Variants in PTCHD1 observed in about 807,000 individuals in gnomAD.
PTCHD1 encodes patched domain-containing protein 1.
In PTCHD1, 3 loss-of-function variants were observed where a neutral mutation model predicts 34.6. The observed-to-expected ratio is 0.09, with a 90% CI of 0.04 to 0.22. The LOEUF (loss-of-function observed/expected upper bound fraction) is 0.22. PTCHD1 is among the 10% of genes least tolerant of loss of function. PTCHD1 has a pLI of 1.00. For missense variants in PTCHD1, 504 were observed against 685.5 expected (o/e 0.74, Z 2.96); for synonymous variants, 305 against 283.1 (o/e 1.08, Z -0.77).
chrX:23,397,596 T>A lies in PTCHD1; in HGVS notation c.*3411T>A, dbSNP rs913850441. 2 of 112,040 alleles carry A rather than the reference T, an allele frequency of 1.8e-5. No homozygotes were observed. Among genetic ancestry groups the A allele is most frequent in the African/African-American group, 3.3e-5 (1 of 30,736 alleles). 9.2% of individuals were successfully genotyped at this position (112,040 alleles called of 1,213,427 possible). On this transcript the variant is annotated 3_prime_UTR_variant, in exon 3 of 3. Coordinates refer to ENST00000379361, the MANE Select transcript of PTCHD1 (RefSeq NM_173495.3). ...TTCCTACCTTCTGCCTTTTACTCCC[T>A]CAGTTTTCAGTCAGAAGTGTGATAA... is the stretch of plus-strand genomic sequence containing the variant.
chrX:23,387,591 GTTTTC>G (rs1374870978), intron 2 of PTCHD1, among the ~76,000 whole-genome samples: 1 of 111,824 alleles, frequency 8.9e-6, no homozygotes, highest in Non-Finnish European at 1.9e-5. Context: ...AATAAAAGCA[GTTTTC>G]TTTTTAAAAT....
chrX:23,396,395 A>G lies in PTCHD1; in HGVS notation c.*2210A>G, dbSNP rs1484220222. On this transcript the variant is annotated 3_prime_UTR_variant, in exon 3 of 3. Coordinates refer to ENST00000379361, the MANE Select transcript of PTCHD1 (RefSeq NM_173495.3). ...TTCTCTCTCCAAGGGGCCCGCAACT[A>G]GGCTATTATTCATAAAACACAACTG... The G allele has an allele frequency of 8.9e-6, 1 of 112,213 alleles. No individual in the cohort carries two copies. Among genetic ancestry groups the G allele is most frequent in the African/African-American group, 3.2e-5 (1 of 30,880 alleles). The allele number at this position is 112,213 out of a possible 1,213,427, so 9.2% of individuals were successfully genotyped here. A position where few individuals can be genotyped will look rare whatever the true frequency, so the allele number is the denominator to read the frequency against.
intron 1 of PTCHD1, among the ~76,000 whole-genome samples, chrX:23,339,698 C>T (rs1921258794): frequency 8.9e-6 from 1 of 112,044 alleles, no homozygotes; most frequent in South Asian, 3.7e-4. Flanking sequence ...TGGGAATCAC[C>T]ATCATTTCTT....
In PTCHD1 at chrX:23,393,237, A is replaced by T. The variant is rs757702223; in HGVS notation, c.1719A>T (p.Glu573Asp). Reference sequence around the variant, plus strand: ...AATACTGGAACACTAGTGTCCAAGAAGATGTTCTAGAATACACCAAGGGGT... The same window carrying T: ...AATACTGGAACACTAGTGTCCAAGATGATGTTCTAGAATACACCAAGGGGT... ...SIEYWNTSVQ[E>D]DVLEYTKGFV... Residue 573 changes from glutamate to aspartate, a missense_variant, in exon 3 of 3, where the codon GAA becomes GAT. Physicochemically the swap from Glu to Asp is conservative, Grantham distance 45. Transcript: ENST00000379361. 2 of 1,208,654 alleles carry T rather than the reference A, an allele frequency of 1.7e-6. No individual in the cohort carries two copies. Among genetic ancestry groups the T allele is most frequent in the East Asian group, 3.0e-5 (1 of 33,841 alleles).
intron 1 of PTCHD1, among the ~76,000 whole-genome samples, chrX:23,344,658 C>T (rs1321359941): frequency 4.5e-5 from 5 of 111,665 alleles, no homozygotes; most frequent in African/African-American, 1.3e-4. Flanking sequence ...GGCAGAGCTG[C>T]GGATGGGGAT....
At chrX:23,350,938 A>C in intron 1 of PTCHD1, 1 of 189,619 alleles carries the variant, frequency 5.3e-6, no homozygotes, top group South Asian at 2.6e-4. Context: ...GCAGTGAAGA[A>C]ACCATGCTCA....
intron 1 of PTCHD1, among the ~76,000 whole-genome samples, chrX:23,366,921 T>TACACACACAC (rs61606231): frequency 2.3e-4 from 23 of 99,381 alleles, no homozygotes; most frequent in African/African-American, 5.9e-4. Flanking sequence ...ATGCTCCTGG[T>TACACACACAC]ACACACACAC....
At chrX:23,381,275 A>G (rs965215735) in intron 2 of PTCHD1, among the ~76,000 whole-genome samples, 4 of 112,311 alleles carry the variant, frequency 3.6e-5, no homozygotes, top group African/African-American at 6.5e-5. Context: ...TGGCCATAAC[A>G]TCGGTTGCCC....
At chrX:23,375,436 CA>C (rs1569138966) in intron 1 of PTCHD1, among the ~76,000 whole-genome samples, 4 of 111,407 alleles carry the variant, frequency 3.6e-5, no homozygotes, top group African/African-American at 6.5e-5. Context: ...ATAACAGGCG[CA>C]CACACCACCA....
chrX:23,346,271 C>G (rs111540351), intron 1 of PTCHD1, among the ~76,000 whole-genome samples: 10,121 of 111,432 alleles, frequency 0.091, 361 homozygotes, highest in Non-Finnish European at 0.12. Context: ...AATGGTAAGG[C>G]AGAGTTTATT....
rs1923009588 is a variant in PTCHD1 at position 23,397,134 on chromosome X, T to C, written c.*2949T>C. ...TTTTAGTTGGTGTTTGTTGTTTGTT[T>C]ACCAAAGAAAATATTCGATTCATCA... On this transcript the variant is annotated 3_prime_UTR_variant, in exon 3 of 3. Transcript: ENST00000379361. The C allele has an allele frequency of 8.9e-6, 1 of 112,112 alleles. No individual in the cohort carries two copies. The highest frequency in any genetic ancestry group is 1.9e-5 in the Non-Finnish European group (1 of 53,258). 9.2% of individuals were successfully genotyped at this position (112,112 alleles called of 1,213,427 possible).
At chrX:23,358,419 G>A (rs191837223) in intron 1 of PTCHD1, among the ~76,000 whole-genome samples, 7 of 112,509 alleles carry the variant, frequency 6.2e-5, no homozygotes, top group African/African-American at 2.3e-4. Flanking sequence ...GTGATGATGA[G>A]CATTTTTCCA....
chrX:23,373,084 T>C (rs1337574333), intron 1 of PTCHD1, among the ~76,000 whole-genome samples: 1 of 112,554 alleles, frequency 8.9e-6, no homozygotes, highest in East Asian at 2.8e-4. Context: ...GAAGTTGCAA[T>C]GAGATACTGC....
At chrX:23,366,352 G>A (rs1433359451) in intron 1 of PTCHD1, among the ~76,000 whole-genome samples, 1 of 112,111 alleles carries the variant, frequency 8.9e-6, no homozygotes, top group Non-Finnish European at 1.9e-5. Context: ...GTTGCCCACA[G>A]GACAAAGTCT....
At position 23,354,432 on chromosome X, in the gene PTCHD1, G is replaced by C. The variant is rs202079287; in HGVS notation, c.351+19206G>C. On this transcript the variant is annotated intron_variant, in intron 1 of 2. Transcript: ENST00000379361. Reference sequence around the variant, plus strand: ...ACATAACCTCAGCTTATTTTACACAGAGAGAGAGAGAGAGAGAGAGAAACA... The same window carrying C: ...ACATAACCTCAGCTTATTTTACACACAGAGAGAGAGAGAGAGAGAGAAACA... 9.2e-3 allele frequency among the ~76,000 whole-genome samples: 736 copies of C among 80,021 alleles called. 7 individuals are homozygous for C. The highest frequency in any genetic ancestry group is 0.032 in the African/African-American group (677 of 21,199). 69.5% of individuals were successfully genotyped at this position (80,021 alleles called of 115,157 possible). A position where few individuals can be genotyped will look rare whatever the true frequency, so the allele number is the denominator to read the frequency against.
At chrX:23,377,506 C>T (rs755661499) in intron 1 of PTCHD1, among the ~76,000 whole-genome samples, 1 of 111,077 alleles carries the variant, frequency 9.0e-6, no homozygotes, top group South Asian at 3.9e-4. Context: ...ACATTTTGCT[C>T]ACCATTAATC....
In PTCHD1 at chrX:23,399,886, T is replaced by A. The variant is rs1337568744; in HGVS notation, c.*5701T>A. 1 of 111,030 alleles carries A rather than the reference T, an allele frequency of 9.0e-6. No homozygotes were observed. Among genetic ancestry groups the A allele is most frequent in the Non-Finnish European group, 1.9e-5 (1 of 52,989 alleles). The allele number at this position is 111,030 out of a possible 1,213,427, so 9.2% of individuals were successfully genotyped here. Reference sequence around the variant, plus strand: ...TTTCAGTAACCATCCCACACACACATACACACATAAAGGCAGCAGCCAACA... The same window carrying A: ...TTTCAGTAACCATCCCACACACACAAACACACATAAAGGCAGCAGCCAACA... On this transcript the variant is annotated 3_prime_UTR_variant, in exon 3 of 3. Transcript: ENST00000379361.
At chrX:23,365,990 G>C (rs1922129897) in intron 1 of PTCHD1, among the ~76,000 whole-genome samples, 1 of 112,353 alleles carries the variant, frequency 8.9e-6, no homozygotes, top group African/African-American at 3.2e-5. Context: ...ACAGTTGATA[G>C]ATGGCACATT....
chrX:23,342,639 A>G (rs1449502683), intron 1 of PTCHD1, among the ~76,000 whole-genome samples: 1 of 110,888 alleles, frequency 9.0e-6, no homozygotes. Flanking sequence ...GATGACTCCA[A>G]ACAGGGCCTA....
Sources: allele counts gnomAD v4.1 joint callset (sites outside exome capture counted in the v4.1 genomes callset), GRCh38; gene constraint gnomAD v4.1.1; transcripts MANE v1.5; gene names NCBI Gene and HGNC (gene_info 2026-07-23, HGNC 2026-07-21).